The following NKAIN3 variants were observed in gnomAD, a reference collection of about 807,000 sequenced individuals.
NKAIN3 encodes sodium/potassium-transporting ATPase subunit beta-1-interacting protein 3.
NKAIN3 carries 25 observed loss-of-function variants against 30.2 expected under a neutral mutation model. The ratio of observed to expected loss-of-function variants is 0.83; its 90% CI spans 0.60 to 1.16. The LOEUF is 1.16. Among genes scored for constraint, NKAIN3 ranks in the 50% most tolerant of loss-of-function variants. The pLI, the probability that NKAIN3 is intolerant of heterozygous loss-of-function variation, is 0.00. For synonymous variants in NKAIN3, 91 were observed against 89.6 expected, an observed-to-expected ratio of 1.02 and a Z score of -0.09; for missense variants, 225 against 254.1, an observed-to-expected ratio of 0.89 and a Z score of 0.78.
chr8:62,798,845 A>C lies in NKAIN3; in HGVS notation c.471+51716A>C, dbSNP rs1817958084. On this transcript the variant is annotated intron_variant, in intron 4 of 6. Transcript: ENST00000623646. ...GTAGGAAGAGTACCAAAAATGTTGA[A>C]AGGAAAGGAGATATCAAGAAAACAT... 3.3e-5 allele frequency among the ~76,000 whole-genome samples: 5 copies of C among 152,166 alleles called. No individual in the cohort carries two copies. The South Asian group carries it at 1.0e-3, about 31-fold the overall frequency.
At chr8:62,490,243 G>A (rs1208655421) in intron 1 of NKAIN3, among the ~76,000 whole-genome samples, 1 of 150,546 alleles carries the variant, frequency 6.6e-6, no homozygotes, top group African/African-American at 2.5e-5. Context: ...TTGGAGGGCT[G>A]TACAGTTTGG....
rs1417855527 is a variant in NKAIN3 at position 62,976,213 on chromosome 8, A to G, written c.*10806A>G. Among the ~76,000 whole-genome samples the G allele has an allele frequency of 1.3e-5, 2 of 151,260 alleles. No individual in the cohort carries two copies. Among genetic ancestry groups the G allele is most frequent in the Non-Finnish European group, 2.9e-5 (2 of 67,866 alleles). ...TATCTATTAGGTCTGCTTGGTCAAG[A>G]GGTGAGTTCAAGTCCTGAATATCCT... On this transcript the variant is annotated 3_prime_UTR_variant, in exon 7 of 7. Coordinates refer to ENST00000623646, the MANE Select transcript of NKAIN3 (RefSeq NM_001304533.3).
chr8:62,988,586 G>A (rs1372220366), downstream of NKAIN3, among the ~76,000 whole-genome samples: 1 of 152,212 alleles, frequency 6.6e-6, no homozygotes, highest in Admixed American at 6.5e-5. Flanking sequence ...TCCCCTTTTA[G>A]CCAAGGCTGG....
Position 62,582,028 on chromosome 8 carries a change from C to A in NKAIN3, c.192+2352C>A, listed in dbSNP as rs567441954. The stretch of plus-strand genomic sequence containing the variant: ...TCCCTCTTTCCTTTTTTCCTTCCTC[C>A]CTCCCACCCATCCTCACTCCCTTCT... On this transcript the variant is annotated intron_variant, in intron 2 of 6. Transcript: ENST00000623646. Among the ~76,000 whole-genome samples the A allele has an allele frequency of 4.9e-4, 71 of 146,386 alleles. 1 individual carries two copies. Among genetic ancestry groups the A allele is most frequent in the African/African-American group, 1.0e-3 (40 of 39,244 alleles).
intron 3 of NKAIN3, among the ~76,000 whole-genome samples, chr8:62,677,656 A>T (rs1220451065): frequency 6.6e-6 from 1 of 152,206 alleles, no homozygotes; most frequent in Non-Finnish European, 1.5e-5. Context: ...AACTCATAAA[A>T]GGAAGGTCAG....
chr8:62,905,908 T>C (rs970142556), intron 4 of NKAIN3, among the ~76,000 whole-genome samples: 20 of 152,232 alleles, frequency 1.3e-4, no homozygotes, highest in African/African-American at 4.8e-4. Flanking sequence ...TCTACAGATA[T>C]TCTATTAACC....
At chr8:62,831,119 A>C (rs944283951) in intron 4 of NKAIN3, among the ~76,000 whole-genome samples, 1 of 152,174 alleles carries the variant, frequency 6.6e-6, no homozygotes, top group Non-Finnish European at 1.5e-5. Flanking sequence ...TACACAGCCC[A>C]ATATAAGACC....
rs73262811 is a variant in NKAIN3, at chr8:62,907,392, A to G, written c.472-11061A>G. On this transcript the variant is annotated intron_variant, in intron 4 of 6. Coordinates refer to ENST00000623646, the MANE Select transcript of NKAIN3 (RefSeq NM_001304533.3). ...TGTGCAGGCTGATGATGCAATTCAA[A>G]AGCAAAACCCATTTTCTGAGGAGAA... 4.5e-3 allele frequency among the ~76,000 whole-genome samples: 678 copies of G among 152,334 alleles called. 4 individuals carry two copies. Among genetic ancestry groups the G allele is most frequent in the African/African-American group, 0.015 (636 of 41,570 alleles).
intron 3 of NKAIN3, among the ~76,000 whole-genome samples, chr8:62,741,029 A>G (rs1416118649): frequency 6.7e-6 from 1 of 150,260 alleles, no homozygotes; most frequent in East Asian, 1.9e-4. Flanking sequence ...ACTTTATGAA[A>G]AAAAAAAAAA....
chr8:62,514,932 T>C (rs572189285), intron 1 of NKAIN3, among the ~76,000 whole-genome samples: 1 of 152,288 alleles, frequency 6.6e-6, no homozygotes, highest in South Asian at 2.1e-4. Context: ...CAAAAGTATC[T>C]ATAATGATAT....
At chr8:62,431,456 A>G (rs1392539049) in intron 1 of NKAIN3, among the ~76,000 whole-genome samples, 1 of 151,878 alleles carries the variant, frequency 6.6e-6, no homozygotes, top group Non-Finnish European at 1.5e-5. Flanking sequence ...GTTCTGGCTG[A>G]ACCCATTTGT....
chr8:62,528,086 A>T (rs1446403575), intron 1 of NKAIN3, among the ~76,000 whole-genome samples: 1 of 151,086 alleles, frequency 6.6e-6, no homozygotes, highest in African/African-American at 2.4e-5. Context: ...ACTATCCCTG[A>T]TTCCCACACT....
chr8:62,361,117 G>A (rs897077424), intron 1 of NKAIN3, among the ~76,000 whole-genome samples: 2 of 151,920 alleles, frequency 1.3e-5, no homozygotes, highest in African/African-American at 4.8e-5. Context: ...AGAATCACTG[G>A]TGATTCCTAC....
At chr8:62,497,578 G>A (rs1376431384) in intron 1 of NKAIN3, among the ~76,000 whole-genome samples, 2 of 152,002 alleles carry the variant, frequency 1.3e-5, no homozygotes, top group African/African-American at 4.8e-5. Flanking sequence ...TTGGTTCCAG[G>A]TGTATTTTCA....
chr8:62,266,720 A>T (rs1274331415), intron 1 of NKAIN3, among the ~76,000 whole-genome samples: 1 of 152,166 alleles, frequency 6.6e-6, no homozygotes, highest in African/African-American at 2.4e-5. Context: ...CAAGCTCACC[A>T]GTGTGCCAGG....
chr8:62,789,248 C>G (rs898171969), intron 4 of NKAIN3, among the ~76,000 whole-genome samples: 15 of 152,246 alleles, frequency 9.9e-5, no homozygotes, highest in Non-Finnish European at 2.1e-4. Context: ...AGGTCCTTCA[C>G]ATCCCTTGTA....
chr8:62,570,622 G>A (rs748229409), intron 1 of NKAIN3, among the ~76,000 whole-genome samples: 4 of 152,052 alleles, frequency 2.6e-5, no homozygotes, highest in Admixed American at 2.0e-4. Context: ...AGAAAGACTC[G>A]CCCCCGTGAT....
intron 1 of NKAIN3, among the ~76,000 whole-genome samples, chr8:62,520,234 G>T (rs116222950): frequency 6.6e-6 from 1 of 151,940 alleles, no homozygotes; most frequent in Non-Finnish European, 1.5e-5. Flanking sequence ...TTCTGACTTC[G>T]TTCTTTTCCT....
intron 1 of NKAIN3, among the ~76,000 whole-genome samples, chr8:62,301,310 A>G (rs77264713): frequency 0.016 from 2,463 of 152,230 alleles, 32 homozygotes; most frequent in Non-Finnish European, 0.026. Context: ...CCGGAGTTTA[A>G]TGGAGCAAAG....
Sources: gnomAD v4.1 joint callset for allele counts (sites outside exome capture counted in the v4.1 genomes callset) on GRCh38, gnomAD v4.1.1 for gene constraint, MANE v1.5 for transcripts, NCBI Gene and HGNC (gene_info 2026-07-23, HGNC 2026-07-21) for gene names.